METTL2A: variants seen among roughly 807,000 people sequenced by gnomAD.
METTL2A encodes methyltransferase 2A, tRNA N3-cytidine.
A neutral mutation model predicts 49.4 loss-of-function variants in METTL2A; 45 were observed. The observed-to-expected ratio is 0.91, with a 90% CI of 0.72 to 1.17. The LOEUF (loss-of-function observed/expected upper bound fraction) is 1.17. Ranked by LOEUF, METTL2A falls within the 50% of genes most tolerant of loss-of-function variation. METTL2A has a pLI of 0.00. For synonymous variants in METTL2A, 118 were observed against 167.5 expected (o/e 0.70, Z 2.28); for missense variants, 361 against 462.2 (o/e 0.78, Z 2.01).
At position 62,424,293 on chromosome 17, in the gene METTL2A, T is replaced by C; in HGVS notation, c.185T>C (p.Val62Ala). The C allele has an allele frequency of 6.2e-7, 1 of 1,613,816 alleles. No individual in the cohort carries two copies. Among genetic ancestry groups the C allele is most frequent in the East Asian group, 2.2e-5 (1 of 44,862 alleles). ...GTCCAGGAGAACAGTATCCAGCGGG[T>C]GTGCCAGGAGAAACAAGGTGCGCTT... ...RKVQENSIQR[V>A]CQEKQVDYEI... The change falls in exon 2 of 9, where the codon GTG becomes GCG. Residue 62 changes from valine to alanine, a missense_variant. Physicochemically the swap from Val to Ala is moderately conservative, Grantham distance 64. This residue lies in a region of METTL2A where 150 missense variants were observed against 170.1 expected (regional missense o/e 0.88). Transcript: ENST00000311506.
chr17:62,439,576 G>A (rs2070724395), intron 5 of METTL2A, among the ~76,000 whole-genome samples: 1 of 152,022 alleles, frequency 6.6e-6, no homozygotes, highest in African/African-American at 2.4e-5. Flanking sequence ...TGGGACTACA[G>A]GCACCTGCCA....
rs1393992064 is a variant in METTL2A, at chr17:62,449,175, A to G, written c.*446A>G. 2.0e-5 allele frequency: 5 copies of G among 250,090 alleles called. No individual in the cohort carries two copies. The highest frequency in any genetic ancestry group is 1.5e-4 in the South Asian group (4 of 26,540). The allele number at this position is 250,090 out of a possible 1,614,324, so 15.5% of individuals were successfully genotyped here. ...TAAACCACCAATTTATTTCCATGTG[A>G]AAAAGTGTTACATATGACAAGTGTT... On this transcript the variant is annotated 3_prime_UTR_variant, in exon 9 of 9. Coordinates refer to ENST00000311506, the MANE Select transcript of METTL2A (RefSeq NM_181725.4).
rs2070798606 is a variant in METTL2A at position 62,450,342 on chromosome 17, C to T, written c.*1613C>T. ...CAGTGGTGCAATGATAGCTCATTAT[C>T]ACCTCAAACTTCTGGCTCAAGCCAT... On this transcript the variant is annotated 3_prime_UTR_variant, in exon 9 of 9. Coordinates refer to ENST00000311506, the MANE Select transcript of METTL2A (RefSeq NM_181725.4). The T allele has an allele frequency of 7.1e-6, 1 of 141,026 alleles. No homozygotes were observed. Among genetic ancestry groups the T allele is most frequent in the African/African-American group, 2.7e-5 (1 of 37,418 alleles). 8.7% of individuals were successfully genotyped at this position (141,026 alleles called of 1,614,324 possible).
intron 7 of METTL2A, among the ~76,000 whole-genome samples, chr17:62,445,400 C>T (rs2144156496): frequency 6.6e-6 from 1 of 151,828 alleles, no homozygotes; most frequent in East Asian, 1.9e-4. Flanking sequence ...TAATATGTGA[C>T]AGAGTAGTAT....
chr17:62,440,942 A>G (rs961582722), intron 6 of METTL2A, among the ~76,000 whole-genome samples, 186 bp downstream of exon 6: 4 of 152,080 alleles, frequency 2.6e-5, no homozygotes, highest in African/African-American at 9.7e-5. Context: ...AGTAGGTGGG[A>G]CCACAGGCAC....
At chr17:62,440,538 A>G in intron 5 of METTL2A, 79 bp from the exon 6 acceptor site, 1 of 1,514,662 alleles carries the variant, frequency 6.6e-7, no homozygotes, top group African/African-American at 1.4e-5. Context: ...AGTTACATTT[A>G]AAATTTAAAA....
chr17:62,430,065 A>G (rs1216667319), intron 4 of METTL2A, among the ~76,000 whole-genome samples: 1 of 152,252 alleles, frequency 6.6e-6, no homozygotes, highest in African/African-American at 2.4e-5. Flanking sequence ...TATAATATAT[A>G]CTTTGCCAAT....
At chr17:62,430,008 C>A (rs780852891) in intron 4 of METTL2A, among the ~76,000 whole-genome samples, 1 of 152,212 alleles carries the variant, frequency 6.6e-6, no homozygotes, top group Non-Finnish European at 1.5e-5. Context: ...AAATGACATT[C>A]CAGTTCTGTA....
rs1396756918 is a variant in METTL2A at position 62,450,247 on chromosome 17, C to CATTTTTTTTTT, written c.*1518_*1519insATTTTTTTTTT. ...TGTGATCATTATCAGTGTTAGATGC[C>CATTTTTTTTTT]TTTTTTTTTTTTTTTTTTTTTTTTT... On this transcript the variant is annotated 3_prime_UTR_variant, in exon 9 of 9. Coordinates refer to ENST00000311506, the MANE Select transcript of METTL2A (RefSeq NM_181725.4). The CATTTTTTTTTT allele has an allele frequency of 5.0e-5, 4 of 80,540 alleles. 2 individuals carry two copies. 5.0% of individuals were successfully genotyped at this position (80,540 alleles called of 1,614,324 possible). A position where few individuals can be genotyped will look rare whatever the true frequency, so the allele number is the denominator to read the frequency against.
At chr17:62,436,339 G>C (rs1454964585) in intron 5 of METTL2A, among the ~76,000 whole-genome samples, 1 of 152,154 alleles carries the variant, frequency 6.6e-6, no homozygotes, top group Non-Finnish European at 1.5e-5. Flanking sequence ...TTGAGATCAG[G>C]AGTTCAAGAC....
Position 62,448,493 on chromosome 17 carries a change from C to G in METTL2A, c.983-82C>G, listed in dbSNP as rs1350012421. On this transcript the variant is annotated intron_variant, in intron 8 of 8. Coordinates refer to ENST00000311506, the MANE Select transcript of METTL2A (RefSeq NM_181725.4). ...AAACATGACAGCAACTTCCCAGAGC[C>G]CCTTTTAACAAGGACTTAGTAGATA... The G allele has an allele frequency of 2.0e-6, 3 of 1,538,312 alleles. No homozygotes were observed. In the East Asian group the frequency reaches 6.8e-5, roughly 35 times the overall value.
chr17:62,433,891 G>A (rs1229246127), intron 4 of METTL2A, among the ~76,000 whole-genome samples: 1 of 151,962 alleles, frequency 6.6e-6, no homozygotes, highest in Non-Finnish European at 1.5e-5. Context: ...GTGAAACCCC[G>A]TCTCTACTAA....
chr17:62,444,187 G>T (rs932538545), intron 6 of METTL2A, among the ~76,000 whole-genome samples: 8 of 152,214 alleles, frequency 5.3e-5, no homozygotes, highest in Non-Finnish European at 1.2e-4. Context: ...TGGATGCTCA[G>T]GATTCAGCTC....
At chr17:62,437,487 T>C (rs1424947815) in intron 5 of METTL2A, among the ~76,000 whole-genome samples, 1 of 152,110 alleles carries the variant, frequency 6.6e-6, no homozygotes, top group Non-Finnish European at 1.5e-5. Flanking sequence ...CCCAGTCCCT[T>C]ACAAGCTCAC....
intron 5 of METTL2A, among the ~76,000 whole-genome samples, chr17:62,438,903 C>T (rs987604056): frequency 2.0e-5 from 3 of 151,514 alleles, no homozygotes; most frequent in Non-Finnish European, 4.4e-5. Context: ...GCCTTGATCT[C>T]CTGGGCTCAA....
chr17:62,429,356 TC>T (rs1398657620), intron 4 of METTL2A, among the ~76,000 whole-genome samples: 3 of 152,142 alleles, frequency 2.0e-5, no homozygotes, highest in African/African-American at 7.2e-5. Flanking sequence ...AGTGGCACAA[TC>T]TCGACTCATT....
At chr17:62,426,973 A>G (rs2070632765) in intron 3 of METTL2A, among the ~76,000 whole-genome samples, 2 of 152,222 alleles carry the variant, frequency 1.3e-5, no homozygotes, top group South Asian at 4.1e-4. Context: ...TGATCATGCT[A>G]TAACTCTGGA....
At chr17:62,436,274 A>C (rs2070699697) in intron 5 of METTL2A, among the ~76,000 whole-genome samples, 1 of 151,860 alleles carries the variant, frequency 6.6e-6, no homozygotes, top group Non-Finnish European at 1.5e-5. Context: ...GGTCGGCCAC[A>C]ATGGCTTAAT....
chr17:62,428,847 G>A (rs1489400962), intron 4 of METTL2A, among the ~76,000 whole-genome samples: 3 of 152,192 alleles, frequency 2.0e-5, no homozygotes, highest in Non-Finnish European at 4.4e-5. Context: ...ACAGTGGTGC[G>A]CCCATAGCAC....
Sources: allele counts gnomAD v4.1 joint callset (sites outside exome capture counted in the v4.1 genomes callset), GRCh38; gene constraint gnomAD v4.1.1; regional missense constraint gnomAD v4.1.1; transcripts MANE v1.5; gene names NCBI Gene and HGNC (gene_info 2026-07-23, HGNC 2026-07-21).